The following ARFGEF3 variants were observed in gnomAD, a reference collection of about 807,000 sequenced individuals.
ARFGEF3 encodes ARFGEF family member 3.
In ARFGEF3, 96 loss-of-function variants were observed where a neutral mutation model predicts 221.7. The observed-to-expected ratio is 0.43, with a 90% confidence interval of 0.37 to 0.51. The LOEUF (loss-of-function observed/expected upper bound fraction) is 0.51, where lower values mean the gene tolerates loss of function less well. Among genes scored for constraint, ARFGEF3 ranks in the 20% least tolerant of loss-of-function variants. The pLI is 0.00. For synonymous variants in ARFGEF3, 1,145 were observed against 1,126.8 expected, an observed-to-expected ratio of 1.02 and a Z score of -0.32; for missense variants, 2,410 against 2,789.9, an observed-to-expected ratio of 0.86 and a Z score of 3.07.
At chr6:138,262,566 C>A in intron 11 of ARFGEF3, 135 bp from the exon 12 acceptor site, 1 of 863,112 alleles carries the variant, frequency 1.2e-6, no homozygotes. Context: ...ATTGCCCAGA[C>A]CATTTTGTTT....
intron 33 of ARFGEF3, among the ~76,000 whole-genome samples, chr6:138,335,439 T>G (rs1223190674): frequency 6.6e-6 from 1 of 151,950 alleles, no homozygotes; most frequent in East Asian, 1.9e-4. Flanking sequence ...TAGTAATGTA[T>G]ATTATTGAGA....
rs751002892 is a variant in ARFGEF3 at position 138,162,111 on chromosome 6, CAGA to C, written c.28_30del (p.Lys10del). On this transcript the variant is annotated inframe_deletion, in exon 1 of 34. Transcript: ENST00000251691. This position sits in a 1 kb window ranked among gnomAD's most constrained non-coding sequence, Gnocchi z 4.7. ...GATGGAAGAAATCCTGAGGAAGCTG[CAGA>C]AGGAGGCGTCCGGGAGCAAGTACAA... is the stretch of plus-strand genomic sequence containing the variant. 2 of 1,604,070 alleles carry C rather than the reference CAGA, an allele frequency of 1.2e-6. No individual in the cohort carries two copies. The highest frequency in any genetic ancestry group is 1.7e-6 in the Non-Finnish European group (2 of 1,174,968).
At chr6:138,203,969 G>T (rs2114488488) in intron 2 of ARFGEF3, among the ~76,000 whole-genome samples, 1 of 152,194 alleles carries the variant, frequency 6.6e-6, no homozygotes, top group African/African-American at 2.4e-5. Context: ...GGGAGATCTT[G>T]ATGCCATGCT....
In ARFGEF3 at chr6:138,263,432, A is replaced by G. The variant is rs1178058273; in HGVS notation, c.1949A>G (p.His650Arg). Residue 650 changes from histidine to arginine, a missense_variant, in exon 12 of 34, where the codon CAC becomes CGC. This residue lies in a region of ARFGEF3 where 594 missense variants were observed against 734.3 expected (regional missense o/e 0.81). Coordinates refer to ENST00000251691, the MANE Select transcript of ARFGEF3 (RefSeq NM_020340.5). ...CAGACACCCCGGGACTGCCTAGGCC[A>G]CCGGTCCCTGCGAACTGCCGCCCTG... ...EEQTPRDCLG[H>R]RSLRTAALSL... 6.2e-7 allele frequency: 1 copy of G among 1,614,002 alleles called. No individual in the cohort carries two copies. The highest frequency in any genetic ancestry group is 1.7e-5 in the Admixed American group (1 of 60,032).
intron 3 of ARFGEF3, 75 bp from the exon 4 acceptor site, chr6:138,209,835 T>A: frequency 6.4e-7 from 1 of 1,551,546 alleles, no homozygotes; most frequent in South Asian, 1.2e-5. Context: ...TGATCATCAA[T>A]CCATAATAAG....
intron 4 of ARFGEF3, among the ~76,000 whole-genome samples, chr6:138,215,437 G>C (rs146966429): frequency 6.6e-6 from 1 of 152,174 alleles, no homozygotes; most frequent in Non-Finnish European, 1.5e-5. Flanking sequence ...GTGAATATTC[G>C]TAGAGTGCTT....
At chr6:138,200,429 A>T (rs577888969) in intron 2 of ARFGEF3, among the ~76,000 whole-genome samples, 1 of 152,226 alleles carries the variant, frequency 6.6e-6, no homozygotes, top group African/African-American at 2.4e-5. Context: ...AAACTATACT[A>T]TAAGGCCATA....
rs562341453 is a variant in ARFGEF3 at position 138,209,574 on chromosome 6, C to T, written c.220-336C>T. 1.6e-4 allele frequency among the ~76,000 whole-genome samples: 25 copies of T among 152,190 alleles called. 1 individual carries two copies. The highest frequency in any genetic ancestry group is 1.2e-3 in the Admixed American group (18 of 15,300). On this transcript the variant is annotated intron_variant, in intron 3 of 33. Coordinates refer to ENST00000251691, the MANE Select transcript of ARFGEF3 (RefSeq NM_020340.5). ...AAGCAATTCTCCTGCCTCAGCCTCC[C>T]GAGTAGCTGGGATTGCAGGCACCCG...
At chr6:138,333,595 A>C (rs1780263579) in intron 32 of ARFGEF3, among the ~76,000 whole-genome samples, 1 of 152,062 alleles carries the variant, frequency 6.6e-6, no homozygotes, top group Admixed American at 6.5e-5. Context: ...GGTGCCCGCC[A>C]CCATGCCCGG....
chr6:138,279,907 G>A, intron 13 of ARFGEF3, 92 bp from the exon 14 acceptor site: 1 of 1,282,788 alleles, frequency 7.8e-7, no homozygotes, highest in Non-Finnish European at 1.1e-6. Flanking sequence ...TTAGTTCAGG[G>A]CTCTGTGACG....
intron 8 of ARFGEF3, 84 bp downstream of exon 8, chr6:138,245,675 T>C: frequency 9.9e-7 from 1 of 1,010,556 alleles, no homozygotes; most frequent in Non-Finnish European, 1.5e-6. Flanking sequence ...CTTCAAATTA[T>C]GGATTGTAAG....
chr6:138,189,906 C>T (rs1032343006), intron 2 of ARFGEF3, among the ~76,000 whole-genome samples: 1 of 151,858 alleles, frequency 6.6e-6, no homozygotes, highest in East Asian at 1.9e-4. Context: ...TTGCAAAAAT[C>T]CCGTCTCTAC....
chr6:138,263,556 C>T lies in ARFGEF3; in HGVS notation c.2073C>T (p.Ser691=). The T allele has an allele frequency of 6.2e-7, 1 of 1,612,700 alleles. No homozygotes were observed. Among genetic ancestry groups the T allele is most frequent in the South Asian group, 1.1e-5 (1 of 91,080 alleles). The change falls in exon 12 of 34, where the codon TCC becomes TCT. Residue 691 remains serine, a synonymous_variant. Coordinates refer to ENST00000251691, the MANE Select transcript of ARFGEF3 (RefSeq NM_020340.5). ...TCCTCCCTCGGCTCCTGTCTCTCTC[C>T]AATGTAGAGGAGGTGGACACCGCTC... ...EGLLPRLLSL[S]NVEEVDTALQ... is the part of the protein sequence containing the mutation.
chr6:138,217,883 G>A, intron 4 of ARFGEF3: 6 of 1,396,374 alleles, frequency 4.3e-6, no homozygotes, highest in Admixed American at 5.1e-5. Context: ...AATTGAAGTT[G>A]GAATGGTTCA....
At chr6:138,277,475 G>A (rs1387583447) in intron 12 of ARFGEF3, among the ~76,000 whole-genome samples, 5 of 152,164 alleles carry the variant, frequency 3.3e-5, no homozygotes, top group Non-Finnish European at 7.3e-5. Flanking sequence ...AGTCCTTCTG[G>A]TTATATCGGA....
chr6:138,186,570 G>T (rs1205201057), intron 2 of ARFGEF3, among the ~76,000 whole-genome samples: 1 of 152,198 alleles, frequency 6.6e-6, no homozygotes, highest in East Asian at 1.9e-4. Flanking sequence ...TGGAAAACAG[G>T]ATTGTTGGGA....
At chr6:138,330,319 A>G (rs1225556050) in intron 32 of ARFGEF3, among the ~76,000 whole-genome samples, 2 of 152,148 alleles carry the variant, frequency 1.3e-5, no homozygotes, top group African/African-American at 2.4e-5. Flanking sequence ...CTGCCGTGTG[A>G]GGATTCATGG....
rs1181705368 is a variant in ARFGEF3 at position 138,341,127 on chromosome 6, G to A, written c.*4641G>A. 2 of 152,332 alleles carry A rather than the reference G, an allele frequency of 1.3e-5. No homozygotes were observed. The highest frequency in any genetic ancestry group is 2.4e-5 in the African/African-American group (1 of 41,418). 9.4% of individuals were successfully genotyped at this position (152,332 alleles called of 1,614,324 possible). A position where few individuals can be genotyped will look rare whatever the true frequency, so the allele number is the denominator to read the frequency against. On this transcript the variant is annotated 3_prime_UTR_variant, in exon 34 of 34. Transcript: ENST00000251691. The stretch of plus-strand genomic sequence containing the variant: ...GAACATGGCAGTGTGTGTCTGGAAC[G>A]GCATGCACAATTTGTAAACCTTTTT...
intron 20 of ARFGEF3, among the ~76,000 whole-genome samples, chr6:138,295,617 G>A (rs1779496017): frequency 1.5e-5 from 2 of 136,916 alleles, no homozygotes; most frequent in Admixed American, 1.6e-4. Context: ...GCGACAGAGT[G>A]AGACTCCCTC....
Sources: gnomAD v4.1 joint callset for allele counts (sites outside exome capture counted in the v4.1 genomes callset) on GRCh38, gnomAD v4.1.1 for gene constraint, gnomAD v4.1.1 regional missense constraint, Gnocchi (gnomAD v3.1) non-coding constraint, MANE v1.5 for transcripts, NCBI Gene and HGNC (gene_info 2026-07-23, HGNC 2026-07-21) for gene names.